The following THAP4 variants were observed in gnomAD, a reference collection of about 807,000 sequenced individuals.
THAP4 encodes THAP domain containing 4.
A neutral mutation model predicts 48.1 loss-of-function variants in THAP4; 18 were observed. The observed-to-expected ratio is 0.37, with a 90% CI of 0.26 to 0.56. The LOEUF (loss-of-function observed/expected upper bound fraction) is 0.56. THAP4 is among the 20% of genes least tolerant of loss of function. The pLI, the probability that THAP4 is intolerant of heterozygous loss-of-function variation, is 0.78. For synonymous variants in THAP4, 345 were observed against 324.9 expected (o/e 1.06, Z -0.66); for missense variants, 656 against 774.9 (o/e 0.85, Z 1.82).
chr2:241,637,445 C>A, upstream of THAP4: 1 of 1,472,100 alleles, frequency 6.8e-7, no homozygotes, highest in African/African-American at 1.5e-5. Flanking sequence ...GGAGGAAGCG[C>A]CACCCATGGC....
At chr2:241,597,638 A>C (rs2125073060) in intron 5 of THAP4, among the ~76,000 whole-genome samples, 1 of 152,314 alleles carries the variant, frequency 6.6e-6, no homozygotes, top group Non-Finnish European at 1.5e-5. Context: ...TGGCCCTCCA[A>C]GACCCAGCTC....
intron 2 of THAP4, among the ~76,000 whole-genome samples, chr2:241,632,012 A>G (rs2067569637): frequency 6.6e-6 from 1 of 151,214 alleles, no homozygotes; most frequent in African/African-American, 2.4e-5. Flanking sequence ...GGTTCAAGCT[A>G]TTCTCCTGCC....
intron 3 of THAP4, among the ~76,000 whole-genome samples, chr2:241,604,236 AATTTATTTATTT>A (rs201924569): frequency 6.0e-4 from 90 of 150,398 alleles, no homozygotes; most frequent in Admixed American, 5.3e-4. Flanking sequence ...ACACCCGGCT[AATTTATTTATTT>A]ATTTATTTAT....
intron 4 of THAP4, chr2:241,602,235 C>T: frequency 1.8e-6 from 1 of 557,862 alleles, no homozygotes; most frequent in East Asian, 2.9e-5. Context: ...GACTGGGCCC[C>T]AGCCCTCCCA....
At chr2:241,623,698 G>C (rs894487786) in intron 2 of THAP4, among the ~76,000 whole-genome samples, 1 of 151,708 alleles carries the variant, frequency 6.6e-6, no homozygotes, top group Admixed American at 6.6e-5. Flanking sequence ...GCTTAATAGA[G>C]CAGTATCATA....
chr2:241,585,620 C>T (rs1351266181), intron 5 of THAP4, among the ~76,000 whole-genome samples: 1 of 152,068 alleles, frequency 6.6e-6, no homozygotes, highest in Non-Finnish European at 1.5e-5. Context: ...GATGCTTTTG[C>T]TGCCCGGAAG....
intron 2 of THAP4, among the ~76,000 whole-genome samples, chr2:241,613,579 C>T (rs1283820456): frequency 1.3e-5 from 2 of 151,960 alleles, no homozygotes; most frequent in African/African-American, 2.4e-5. Flanking sequence ...CATAGCAAAA[C>T]ACTGTCTCTA....
At position 241,633,857 on chromosome 2, in the gene THAP4, G is replaced by A. The variant is rs370284784; in HGVS notation, c.300C>T (p.Thr100=). The change falls in exon 2 of 6, where the codon ACC becomes ACT. Residue 100 remains threonine (T), a synonymous_variant. Transcript: ENST00000407315. The surrounding 1 kb of genome is among the most constrained non-coding windows in gnomAD (Gnocchi z 7.5). ...KKRGAGGHGR[T]RRKDASKATG... ...TGGCCTTGCTGGCATCTTTTCTCCG[G>A]GTGCGGCCATGGCCTCCAGCCCCCC... is the stretch of plus-strand genomic sequence containing the variant. 1.9e-6 allele frequency: 3 copies of A among 1,613,682 alleles called. No individual in the cohort carries two copies. The African/African-American group carries it at 4.0e-5, about 22-fold the overall frequency.
At position 241,636,980 on chromosome 2, in the gene THAP4, C is replaced by A; in HGVS notation, c.38G>T (p.Arg13Leu). The A allele has an allele frequency of 1.5e-6, 2 of 1,327,432 alleles. 1 individual carries two copies. The highest frequency in any genetic ancestry group is 2.5e-5 in the South Asian group (2 of 80,286). 82.2% of individuals were successfully genotyped at this position (1,327,432 alleles called of 1,614,324 possible). A position where few individuals can be genotyped will look rare whatever the true frequency, so the allele number is the denominator to read the frequency against. Residue 13 changes from arginine to leucine, a missense_variant, in exon 1 of 6, where the codon CGG (arginine) becomes CTG (leucine). By Grantham distance (102) the Arg-to-Leu change is moderately radical. Around this residue, in one of 4 missense-constraint regions of THAP4, gnomAD observed 59 missense variants for 45.8 expected, o/e 1.29. Coordinates refer to ENST00000407315, the MANE Select transcript of THAP4 (RefSeq NM_015963.6). ...ICCAAVNCSN[R>L]QGKGEKRAVS... Reference sequence around the variant, plus strand: ...GGCGCGCTTCTCGCCCTTTCCCTGCCGGTTGGAGCAGTTCACGGCCGCACA... The same window carrying A: ...GGCGCGCTTCTCGCCCTTTCCCTGCAGGTTGGAGCAGTTCACGGCCGCACA...
At chr2:241,622,143 G>A (rs1324837570) in intron 2 of THAP4, among the ~76,000 whole-genome samples, 3 of 152,268 alleles carry the variant, frequency 2.0e-5, no homozygotes, top group African/African-American at 7.2e-5. Context: ...GCCAAGGCGG[G>A]TGGATCGCCT....
rs148670645 is a variant in THAP4, at chr2:241,624,577, G to A, written c.1240+8340C>T. On this transcript the variant is annotated intron_variant, in intron 2 of 5. Coordinates refer to ENST00000407315, the MANE Select transcript of THAP4 (RefSeq NM_015963.6). ...CGGGCAAGGGGCGTCTGTCCCTGTG[G>A]AGTTGGGGTGCACCATCACCTCATC... 7.0e-3 allele frequency among the ~76,000 whole-genome samples: 1,068 copies of A among 152,294 alleles called. 6 individuals are homozygous for A. Among genetic ancestry groups the A allele is most frequent in the Non-Finnish European group, 0.011 (764 of 68,026 alleles).
intron 5 of THAP4, among the ~76,000 whole-genome samples, chr2:241,589,882 T>A (rs1231164305): frequency 6.6e-6 from 1 of 152,088 alleles, no homozygotes; most frequent in Non-Finnish European, 1.5e-5. Flanking sequence ...AACTGCTGAA[T>A]CTTGAGAGCG....
chr2:241,608,367 T>C (rs758957158), intron 2 of THAP4, among the ~76,000 whole-genome samples: 5 of 152,202 alleles, frequency 3.3e-5, no homozygotes, highest in Non-Finnish European at 7.3e-5. Context: ...CTGTGGTCTT[T>C]CAGTATTTCC....
intron 3 of THAP4, among the ~76,000 whole-genome samples, chr2:241,604,739 A>T (rs960269916): frequency 1.3e-5 from 2 of 148,514 alleles, no homozygotes; most frequent in Non-Finnish European, 3.0e-5. Flanking sequence ...ATTAAAACAA[A>T]TTTTTTTAGG....
intron 5 of THAP4, among the ~76,000 whole-genome samples, chr2:241,590,223 T>C (rs377154034): frequency 7.0e-5 from 8 of 114,742 alleles, no homozygotes; most frequent in Middle Eastern, 6.4e-3. Flanking sequence ...GCTCGGCTGA[T>C]GATAATGGGC....
chr2:241,598,484 T>C (rs1030838361), intron 5 of THAP4, among the ~76,000 whole-genome samples: 14 of 152,140 alleles, frequency 9.2e-5, no homozygotes, highest in African/African-American at 3.1e-4. Context: ...GTCCCCAAAC[T>C]TTTTGGCCCC....
intron 5 of THAP4, among the ~76,000 whole-genome samples, chr2:241,595,242 T>C (rs1329335059): frequency 6.6e-6 from 1 of 152,072 alleles, no homozygotes; most frequent in Non-Finnish European, 1.5e-5. Context: ...CTCGAATTCC[T>C]GACCTCAGGC....
chr2:241,585,405 G>C (rs2125063627), intron 5 of THAP4, among the ~76,000 whole-genome samples: 1 of 143,214 alleles, frequency 7.0e-6, no homozygotes, highest in Middle Eastern at 3.5e-3. Context: ...GTCATGTGGG[G>C]TGGGGGGCAC....
At chr2:241,622,528 C>G (rs752066678) in intron 2 of THAP4, among the ~76,000 whole-genome samples, 29 of 151,856 alleles carry the variant, frequency 1.9e-4, no homozygotes, top group Non-Finnish European at 3.2e-4. Flanking sequence ...GGGAGAGCAT[C>G]AGAGAGAAGT....
Sources: allele counts gnomAD v4.1 joint callset (sites outside exome capture counted in the v4.1 genomes callset), GRCh38; gene constraint gnomAD v4.1.1; regional missense constraint gnomAD v4.1.1; non-coding constraint Gnocchi (gnomAD v3.1); transcripts MANE v1.5; gene names NCBI Gene and HGNC (gene_info 2026-07-23, HGNC 2026-07-21).